TARS1: variants seen among roughly 807,000 people sequenced by gnomAD.
The protein encoded by TARS1 is threonyl-tRNA synthetase 1, also known as threonine--tRNA ligase 1, cytoplasmic.
A neutral mutation model predicts 97.7 loss-of-function variants in TARS1; 57 were observed. That is an observed-to-expected ratio of 0.58 (90% CI 0.47 to 0.73). The LOEUF (loss-of-function observed/expected upper bound fraction) is 0.73, where lower values mean the gene tolerates loss of function less well. Ranked by LOEUF, TARS1 falls within the 30% of genes least tolerant of loss-of-function variation. The pLI is 0.00. For synonymous variants in TARS1, 312 were observed against 293.7 expected, an observed-to-expected ratio of 1.06 and a Z score of -0.64; for missense variants, 806 against 888.3, an observed-to-expected ratio of 0.91 and a Z score of 1.18.
At chr5:33,461,808 GA>G in intron 14 of TARS1, 64 bp downstream of exon 14, 2 of 1,593,732 alleles carry the variant, frequency 1.3e-6, no homozygotes, top group South Asian at 1.1e-5. Context: ...ATACGACTTC[GA>G]AAAAAGTTGG....
rs1461148912 is a variant in TARS1, at chr5:33,465,123, A to G, written c.1908+1298A>G. On this transcript the variant is annotated intron_variant, in intron 17 of 18. Coordinates refer to ENST00000265112, the MANE Select transcript of TARS1 (RefSeq NM_152295.5). ...ATAAAAAAAATGAAGTGAACACTAA[A>G]CCATCTAATAGATAAACCATTCAGA... Among the ~76,000 whole-genome samples, 6 of 152,328 alleles carry G rather than the reference A, an allele frequency of 3.9e-5. No individual in the cohort carries two copies. In the East Asian group the frequency reaches 1.2e-3, roughly 29 times the overall value.
Position 33,459,671 on chromosome 5 carries a change from A to G in TARS1, c.1084-24A>G, listed in dbSNP as rs772745706. 35 of 1,612,514 alleles carry G rather than the reference A, an allele frequency of 2.2e-5. No homozygotes were observed. The South Asian group carries it at 3.6e-4, about 17-fold the overall frequency. ...AGTATGAGCATTTATTTGCCTACAC[A>G]TGTTTCTGTTTATTTTCTATCAGAG... On this transcript the variant is annotated intron_variant, in intron 10 of 18. Transcript: ENST00000265112.
At chr5:33,443,317 CTCCCT>C (rs1741219340) in intron 1 of TARS1, among the ~76,000 whole-genome samples, 3 of 119,684 alleles carry the variant, frequency 2.5e-5, no homozygotes, top group African/African-American at 1.0e-4. Flanking sequence ...CTCTCTCTCT[CTCCCT>C]CTCTCTCTCT....
At chr5:33,462,281 C>G (rs972308078) in intron 16 of TARS1, 78 bp downstream of exon 16, 2 of 1,289,068 alleles carry the variant, frequency 1.6e-6, no homozygotes, top group African/African-American at 3.0e-5. Flanking sequence ...ATTTAATTAT[C>G]AGATGGAAAG....
intron 17 of TARS1, among the ~76,000 whole-genome samples, chr5:33,464,841 G>A (rs566713634): frequency 6.6e-6 from 1 of 152,222 alleles, no homozygotes; most frequent in Non-Finnish European, 1.5e-5. Flanking sequence ...ACTTTGGGAG[G>A]CCGAGGCGGG....
intron 1 of TARS1, among the ~76,000 whole-genome samples, chr5:33,443,696 C>G (rs187863642): frequency 6.9e-4 from 105 of 152,038 alleles, no homozygotes; most frequent in African/African-American, 2.3e-3. Context: ...GGGGTTTCAC[C>G]GTGTTAGCCA....
chr5:33,455,147 A>G, intron 5 of TARS1, 81 bp downstream of exon 5: 1 of 1,543,582 alleles, frequency 6.5e-7, no homozygotes, highest in Non-Finnish European at 8.8e-7. Flanking sequence ...TCAGTAAGGG[A>G]GGAATGATAT....
chr5:33,455,427 G>A (rs1741962402), intron 5 of TARS1, among the ~76,000 whole-genome samples, 160 bp from the exon 6 acceptor site: 1 of 152,160 alleles, frequency 6.6e-6, no homozygotes, highest in Admixed American at 6.5e-5. Flanking sequence ...AATTACTTAT[G>A]AAAAATGTTT....
intron 11 of TARS1, 39 bp downstream of exon 11, chr5:33,459,900 A>G (rs374067852): frequency 8.8e-6 from 14 of 1,591,246 alleles, no homozygotes; most frequent in African/African-American, 1.3e-5. Context: ...AGATTTTCAC[A>G]TGCTACAATT....
At chr5:33,466,149 G>A (rs1579595296) in intron 17 of TARS1, 1 of 152,292 alleles carries the variant, frequency 6.6e-6, no homozygotes, top group South Asian at 2.1e-4. Context: ...TGGCAGAGAT[G>A]AGGAAGGAAC....
intron 1 of TARS1, 161 bp downstream of exon 1, chr5:33,441,304 T>G: frequency 2.8e-6 from 2 of 724,882 alleles, no homozygotes; most frequent in East Asian, 5.3e-5. Flanking sequence ...GGAACCCCCT[T>G]TGGGAACCAT....
At chr5:33,458,344 A>G (rs956769538) in intron 9 of TARS1, among the ~76,000 whole-genome samples, 1 of 152,226 alleles carries the variant, frequency 6.6e-6, no homozygotes, top group South Asian at 2.1e-4. Flanking sequence ...ATTGAGGAAT[A>G]TAACAGGCAG....
At chr5:33,453,496 G>T in intron 4 of TARS1, 84 bp downstream of exon 4, 2 of 1,499,524 alleles carry the variant, frequency 1.3e-6, no homozygotes, top group East Asian at 2.3e-5. Flanking sequence ...GCTGCGATTG[G>T]GTGGCTAACA....
In TARS1 at chr5:33,448,484, A is replaced by G. The variant is rs1382403933; in HGVS notation, c.139-57A>G. 3 of 1,374,400 alleles carry G rather than the reference A, an allele frequency of 2.2e-6. No homozygotes were observed. The African/African-American group carries it at 4.4e-5, about 20-fold the overall frequency. The allele number at this position is 1,374,400 out of a possible 1,614,324, so 85.1% of individuals were successfully genotyped here. On this transcript the variant is annotated intron_variant, in intron 2 of 18. Coordinates refer to ENST00000265112, the MANE Select transcript of TARS1 (RefSeq NM_152295.5). ...TTTTATTATTTCTTTCCCATTTCTAAATAGGAAAGCAATATTTACTGATCA... is the reference window on the plus strand; with the variant it reads ...TTTTATTATTTCTTTCCCATTTCTAGATAGGAAAGCAATATTTACTGATCA...
At chr5:33,455,384 A>C (rs766602420) in intron 5 of TARS1, among the ~76,000 whole-genome samples, 4 of 152,242 alleles carry the variant, frequency 2.6e-5, no homozygotes, top group Non-Finnish European at 5.9e-5. Flanking sequence ...ATGGATGACC[A>C]AGGTAGAAGC....
Position 33,461,995 on chromosome 5 carries a change from T to TA in TARS1, c.1720dup (p.Thr574AsnfsTer6). 6.2e-7 allele frequency: 1 copy of TA among 1,613,886 alleles called. No homozygotes were observed. On this transcript the variant is annotated frameshift_variant, in exon 15 of 19. Coordinates refer to ENST00000265112, the MANE Select transcript of TARS1 (RefSeq NM_152295.5). LOFTEE classifies it high-confidence loss of function. ...TCCAGTTGCCCATCAGATTTAATCT[T>TA]ACTTATGTAAGGTGAGTTTCTGGTG...
At chr5:33,457,815 T>C (rs141387006) in intron 9 of TARS1, among the ~76,000 whole-genome samples, 23 of 152,364 alleles carry the variant, frequency 1.5e-4, no homozygotes, top group Non-Finnish European at 2.2e-4. Flanking sequence ...GATCCTGTGC[T>C]ATCATTTCCT....
At chr5:33,442,113 AC>A (rs1741130619) in intron 1 of TARS1, among the ~76,000 whole-genome samples, 1 of 152,192 alleles carries the variant, frequency 6.6e-6, no homozygotes. Flanking sequence ...AGAAGTGGTG[AC>A]GTCTTCAGCT....
At position 33,445,371 on chromosome 5, in the gene TARS1, C is replaced by T; in HGVS notation, c.105C>T (p.Asn35=). 1 of 1,613,274 alleles carries T rather than the reference C, an allele frequency of 6.2e-7. No homozygotes were observed. Among genetic ancestry groups the T allele is most frequent in the African/African-American group, 1.3e-5 (1 of 75,000 alleles). Residue 35 remains asparagine (N), a synonymous_variant, in exon 2 of 19, where the codon AAC becomes AAT. Transcript: ENST00000265112. ...EKQKEGGKKK[N]KEGSGDGGRA... ...AAAAGGAAGGAGGCAAAAAGAAGAA[C>T]AAAGAAGGATCTGGAGATGGAGGTC...
Sources: allele counts gnomAD v4.1 joint callset (sites outside exome capture counted in the v4.1 genomes callset), GRCh38; gene constraint gnomAD v4.1.1; transcripts MANE v1.5; gene names NCBI Gene and HGNC (gene_info 2026-07-23, HGNC 2026-07-21).